The following WWOX variants were observed in gnomAD, a reference collection of about 807,000 sequenced individuals.
WWOX encodes the protein WW domain-containing oxidoreductase.
WWOX carries 69 observed loss-of-function variants against 46.2 expected under a neutral mutation model. The ratio of observed to expected loss-of-function variants is 1.49; its 90% CI spans 1.23 to 1.82. The LOEUF is 1.82. Ranked by LOEUF, WWOX falls within the 40% of genes most tolerant of loss-of-function variation. The probability of loss-of-function intolerance (pLI) is 0.00; values close to 1 mark genes in which losing one functional copy is unlikely to be tolerated. For missense variants in WWOX, 919 were observed against 542.6 expected, an observed-to-expected ratio of 1.69 and a Z score of -6.89; for synonymous variants, 359 against 202.6, an observed-to-expected ratio of 1.77 and a Z score of -6.56.
At chr16:78,768,608 AG>A (rs929473593) in intron 8 of WWOX, among the ~76,000 whole-genome samples, 5 of 149,400 alleles carry the variant, frequency 3.3e-5, no homozygotes, top group African/African-American at 9.8e-5. Context: ...AAAAAAAAAA[AG>A]GCTTTGGAGC....
chr16:78,710,697 C>G (rs1037480585), intron 8 of WWOX, among the ~76,000 whole-genome samples: 10 of 151,166 alleles, frequency 6.6e-5, no homozygotes, highest in African/African-American at 2.2e-4. Context: ...TCACTGTAGC[C>G]TCAACCTCCT....
rs895159388 is a variant in WWOX at position 79,045,860 on chromosome 16, G to A, written c.1057-165748G>A. Among the ~76,000 whole-genome samples the A allele has an allele frequency of 3.4e-5, 4 of 119,094 alleles. No homozygotes were observed. In the South Asian group the frequency reaches 9.0e-4, roughly 27 times the overall value. 78.1% of individuals were successfully genotyped at this position (119,094 alleles called of 152,430 possible). A position where few individuals can be genotyped will look rare whatever the true frequency, so the allele number is the denominator to read the frequency against. ...TCTGTTGCCCAGGCTGGAGTGCAGT[G>A]GCACAATCTCAGCTCACTGCAACCT... is the stretch of plus-strand genomic sequence containing the variant. On this transcript the variant is annotated intron_variant, in intron 8 of 8. Coordinates refer to ENST00000566780, the MANE Select transcript of WWOX (RefSeq NM_016373.4).
intron 8 of WWOX, among the ~76,000 whole-genome samples, chr16:78,653,340 A>AT (rs1279860708): frequency 2.0e-5 from 3 of 152,148 alleles, no homozygotes; most frequent in Non-Finnish European, 4.4e-5. Context: ...TTTACTATTT[A>AT]TTTTTGCCTT....
intron 8 of WWOX, among the ~76,000 whole-genome samples, chr16:79,114,515 G>A (rs996853384): frequency 5.9e-5 from 9 of 151,938 alleles, no homozygotes; most frequent in Admixed American, 5.9e-4. Flanking sequence ...CCATAAGCCA[G>A]GGAACAGCAA....
intron 8 of WWOX, among the ~76,000 whole-genome samples, chr16:79,031,008 C>T (rs926923859): frequency 6.6e-6 from 1 of 151,236 alleles, no homozygotes; most frequent in Non-Finnish European, 1.5e-5. Flanking sequence ...GGGAGAATCA[C>T]CCGAGGCTGG....
intron 8 of WWOX, among the ~76,000 whole-genome samples, chr16:78,878,754 G>A (rs560061373): frequency 3.5e-4 from 53 of 152,122 alleles, no homozygotes; most frequent in Non-Finnish European, 6.0e-4. Context: ...TAGTGAAGTT[G>A]CTTGCTTGAA....
chr16:78,253,455 G>A (rs2038037986), intron 5 of WWOX, among the ~76,000 whole-genome samples: 1 of 152,178 alleles, frequency 6.6e-6, no homozygotes, highest in African/African-American at 2.4e-5. Flanking sequence ...GAGGTGCAAA[G>A]GAGTTAGGTA....
chr16:78,684,050 T>G (rs1035667600), intron 8 of WWOX, among the ~76,000 whole-genome samples: 1 of 152,148 alleles, frequency 6.6e-6, no homozygotes, highest in Non-Finnish European at 1.5e-5. Flanking sequence ...TTCTTCTCCC[T>G]CACAGTTTTG....
intron 8 of WWOX, chr16:78,756,810 T>G: frequency 7.1e-6 from 4 of 565,244 alleles, no homozygotes; most frequent in Non-Finnish European, 1.3e-5. Context: ...AGCATAGTCT[T>G]CTCGGACACC....
chr16:78,454,225 T>G (rs938303564), intron 8 of WWOX, among the ~76,000 whole-genome samples: 1 of 152,196 alleles, frequency 6.6e-6, no homozygotes, highest in Non-Finnish European at 1.5e-5. Flanking sequence ...TTCTGTAGGC[T>G]GTAGCAGGAC....
At chr16:78,668,449 C>G (rs1172376588) in intron 8 of WWOX, among the ~76,000 whole-genome samples, 1 of 152,148 alleles carries the variant, frequency 6.6e-6, no homozygotes, top group Non-Finnish European at 1.5e-5. Flanking sequence ...CCATTCTTTC[C>G]TTTGTATATC....
intron 8 of WWOX, among the ~76,000 whole-genome samples, chr16:78,915,040 C>G (rs957049137): frequency 1.3e-5 from 2 of 152,074 alleles, no homozygotes; most frequent in East Asian, 1.9e-4. Flanking sequence ...ATCACTTAGC[C>G]TGATCCACAA....
chr16:78,765,973 G>A (rs1490284045), intron 8 of WWOX, among the ~76,000 whole-genome samples: 1 of 152,164 alleles, frequency 6.6e-6, no homozygotes, highest in East Asian at 1.9e-4. Flanking sequence ...TATAACAAAA[G>A]TATGACTAGA....
chr16:78,399,894 C>G (rs918910859), intron 6 of WWOX, among the ~76,000 whole-genome samples: 4 of 152,184 alleles, frequency 2.6e-5, no homozygotes, highest in Non-Finnish European at 5.9e-5. Context: ...GAAGCTAATT[C>G]TTGTCAGCCT....
intron 8 of WWOX, among the ~76,000 whole-genome samples, chr16:78,523,675 A>G (rs2043397005): frequency 6.6e-6 from 1 of 152,168 alleles, no homozygotes; most frequent in Admixed American, 6.5e-5. Flanking sequence ...GCTTCTGTAA[A>G]TGGAAATGGT....
intron 8 of WWOX, among the ~76,000 whole-genome samples, chr16:78,871,983 C>T (rs944693721): frequency 2.0e-5 from 3 of 152,158 alleles, no homozygotes; most frequent in Admixed American, 2.0e-4. Flanking sequence ...CCTTGCAGAC[C>T]CTCTCAGATG....
intron 8 of WWOX, among the ~76,000 whole-genome samples, chr16:78,572,458 G>A (rs1293389539): frequency 2.0e-5 from 3 of 151,862 alleles, no homozygotes; most frequent in African/African-American, 4.8e-5. Flanking sequence ...AGCCAGTGTG[G>A]TATCATGTGT....
chr16:78,654,826 A>G lies in WWOX; in HGVS notation c.1056+222074A>G, dbSNP rs147248787. On this transcript the variant is annotated intron_variant, in intron 8 of 8. Coordinates refer to ENST00000566780, the MANE Select transcript of WWOX (RefSeq NM_016373.4). ...TTTGAATTTTGGAAATAGACCAGTGATTCTTCAGTAGGGTCGTAAGGTCCC... is the reference window on the plus strand; with the variant it reads ...TTTGAATTTTGGAAATAGACCAGTGGTTCTTCAGTAGGGTCGTAAGGTCCC... Among the ~76,000 whole-genome samples the G allele has an allele frequency of 3.3e-5, 5 of 151,550 alleles. No homozygotes were observed. The South Asian group carries it at 1.0e-3, about 32-fold the overall frequency.
At chr16:79,019,907 G>T (rs868180176) in intron 8 of WWOX, among the ~76,000 whole-genome samples, 16 of 152,270 alleles carry the variant, frequency 1.1e-4, no homozygotes, top group African/African-American at 3.4e-4. Flanking sequence ...TCTAATGGGG[G>T]TAAATATACT....
Sources: gnomAD v4.1 joint callset for allele counts (sites outside exome capture counted in the v4.1 genomes callset) on GRCh38, gnomAD v4.1.1 for gene constraint, MANE v1.5 for transcripts, NCBI Gene and HGNC (gene_info 2026-07-23, HGNC 2026-07-21) for gene names.